The following SNCAIP variants were observed in gnomAD, a reference collection of about 807,000 sequenced individuals.
The protein encoded by SNCAIP is synuclein alpha interacting protein.
SNCAIP carries 43 observed loss-of-function variants against 86.7 expected under a neutral mutation model. The observed-to-expected ratio is 0.50, with a 90% CI of 0.39 to 0.64. SNCAIP has a LOEUF of 0.64. Among genes scored for constraint, SNCAIP ranks in the 30% least tolerant of loss-of-function variants. The probability of loss-of-function intolerance (pLI) is 0.00; values close to 1 mark genes in which losing one functional copy is unlikely to be tolerated. For missense variants in SNCAIP, 981 were observed against 1,103.1 expected (o/e 0.89, Z 1.57); for synonymous variants, 417 against 427.2 (o/e 0.98, Z 0.29).
chr5:122,459,857 C>G (rs1013627197), intron 10 of SNCAIP, among the ~76,000 whole-genome samples: 9 of 152,094 alleles, frequency 5.9e-5, no homozygotes, highest in African/African-American at 1.7e-4. Flanking sequence ...CAAACCCACC[C>G]CCTTCCCTAG....
rs73279400 is a variant in SNCAIP, at chr5:122,322,426, C to T, written c.-47+10142C>T. On this transcript the variant is annotated intron_variant, in intron 1 of 10. Transcript: ENST00000261368. Reference sequence around the variant, plus strand: ...TGTTTGATCTGTTAAGTCATATAAACATTTTTAAAAGGGATTTTTATCTCA... The same window carrying T: ...TGTTTGATCTGTTAAGTCATATAAATATTTTTAAAAGGGATTTTTATCTCA... Among the ~76,000 whole-genome samples the T allele has an allele frequency of 9.8e-3, 1,496 of 152,276 alleles. 21 individuals are homozygous for T. The highest frequency in any genetic ancestry group is 0.033 in the African/African-American group (1,391 of 41,558).
intron 6 of SNCAIP, among the ~76,000 whole-genome samples, chr5:122,438,055 A>G (rs1471399584): frequency 6.6e-6 from 1 of 152,238 alleles, no homozygotes; most frequent in Non-Finnish European, 1.5e-5. Flanking sequence ...TCCAACAAGA[A>G]GATACATGTA....
chr5:122,387,323 T>TACTAAA (rs1768372242), intron 1 of SNCAIP, among the ~76,000 whole-genome samples: 1 of 152,072 alleles, frequency 6.6e-6, no homozygotes, highest in Non-Finnish European at 1.5e-5. Flanking sequence ...CACGCCCGGC[T>TACTAAA]AATGTTTTGC....
At chr5:122,365,488 G>A (rs1247773120) in intron 1 of SNCAIP, among the ~76,000 whole-genome samples, 2 of 152,148 alleles carry the variant, frequency 1.3e-5, no homozygotes, top group Non-Finnish European at 2.9e-5. Flanking sequence ...AGACTAACCT[G>A]GCCAACATGG....
intron 1 of SNCAIP, among the ~76,000 whole-genome samples, chr5:122,361,671 C>T (rs1762252926): frequency 6.6e-6 from 1 of 152,086 alleles, no homozygotes; most frequent in South Asian, 2.1e-4. Context: ...GAGTTACTGT[C>T]ATCCTCTGAT....
intron 1 of SNCAIP, among the ~76,000 whole-genome samples, chr5:122,353,929 AG>A (rs1258395793): frequency 1.3e-5 from 2 of 152,216 alleles, no homozygotes; most frequent in Non-Finnish European, 2.9e-5. Flanking sequence ...TCACCACGTT[AG>A]GGCTGAAGAA....
intron 10 of SNCAIP, among the ~76,000 whole-genome samples, chr5:122,457,506 T>C (rs1452046026): frequency 6.6e-6 from 1 of 152,114 alleles, no homozygotes; most frequent in Non-Finnish European, 1.5e-5. Flanking sequence ...TACTCTGTGC[T>C]CTCCCACAGT....
chr5:122,416,536 T>G (rs1002570597), intron 3 of SNCAIP, among the ~76,000 whole-genome samples: 2 of 152,078 alleles, frequency 1.3e-5, no homozygotes, highest in Admixed American at 1.3e-4. Context: ...CCATCACAAT[T>G]CTCCAAATCC....
intron 5 of SNCAIP, among the ~76,000 whole-genome samples, chr5:122,426,639 C>T (rs1777424206): frequency 6.6e-6 from 1 of 152,046 alleles, no homozygotes; most frequent in African/African-American, 2.4e-5. Flanking sequence ...ATCTATGACC[C>T]TGGTAGGTAT....
intron 1 of SNCAIP, among the ~76,000 whole-genome samples, chr5:122,355,809 A>G (rs1760882927): frequency 6.6e-6 from 1 of 152,158 alleles, no homozygotes; most frequent in South Asian, 2.1e-4. Context: ...TGCAGTGACA[A>G]CACTGTATCT....
chr5:122,438,932 T>C lies in SNCAIP; in HGVS notation c.1297-1697T>C, dbSNP rs568407517. Reference sequence around the variant, plus strand: ...ATCTGTTTCACTGGTAGAGGTACCATAATCTATCCTCTTGCAGCCTCCATG... The same window carrying C: ...ATCTGTTTCACTGGTAGAGGTACCACAATCTATCCTCTTGCAGCCTCCATG... On this transcript the variant is annotated intron_variant, in intron 6 of 10. Coordinates refer to ENST00000261368, the MANE Select transcript of SNCAIP (RefSeq NM_005460.4). Among the ~76,000 whole-genome samples the C allele has an allele frequency of 8.5e-5, 13 of 152,340 alleles. No individual in the cohort carries two copies. In the South Asian group the frequency reaches 2.7e-3, roughly 32 times the overall value.
At chr5:122,335,831 G>T (rs973851417) in intron 1 of SNCAIP, among the ~76,000 whole-genome samples, 1 of 152,198 alleles carries the variant, frequency 6.6e-6, no homozygotes, top group Non-Finnish European at 1.5e-5. Flanking sequence ...GCCCCAGGAA[G>T]GTGGCTCTTT....
At chr5:122,420,925 G>A (rs186905495) in intron 3 of SNCAIP, among the ~76,000 whole-genome samples, 3 of 152,306 alleles carry the variant, frequency 2.0e-5, no homozygotes, top group Admixed American at 6.5e-5. Flanking sequence ...TTTATAACAG[G>A]ATTTTGTCCC....
At chr5:122,397,084 G>C (rs1031207745) in intron 2 of SNCAIP, among the ~76,000 whole-genome samples, 1 of 152,006 alleles carries the variant, frequency 6.6e-6, no homozygotes, top group Non-Finnish European at 1.5e-5. Context: ...CCTTAATGAA[G>C]GTACAGTCAG....
At chr5:122,427,160 G>T (rs1338442300) in intron 5 of SNCAIP, among the ~76,000 whole-genome samples, 2 of 152,270 alleles carry the variant, frequency 1.3e-5, no homozygotes, top group East Asian at 3.9e-4. Context: ...ATAGGTAGAA[G>T]AAAATAATTT....
intron 1 of SNCAIP, among the ~76,000 whole-genome samples, chr5:122,318,135 A>G (rs532262560): frequency 6.6e-6 from 1 of 152,026 alleles, no homozygotes; most frequent in African/African-American, 2.4e-5. Flanking sequence ...GGTGCAGGGG[A>G]TGGGTAGGTG....
intron 6 of SNCAIP, among the ~76,000 whole-genome samples, chr5:122,433,135 G>GTGTGTGTT (rs1186879103): frequency 6.6e-6 from 1 of 151,750 alleles, no homozygotes; most frequent in African/African-American, 2.4e-5. Context: ...GTGTGTGTGT[G>GTGTGTGTT]TGTGTGTGTG....
In SNCAIP at chr5:122,451,147, G is replaced by C. The variant is rs2153001523; in HGVS notation, c.2300G>C (p.Gly767Ala). 1.2e-6 allele frequency: 2 copies of C among 1,614,114 alleles called. No homozygotes were observed. Among genetic ancestry groups the C allele is most frequent in the East Asian group, 4.5e-5 (2 of 44,872 alleles). The change falls in exon 10 of 11, where the codon GGG (glycine) becomes GCG (alanine). Residue 767 changes from glycine (G) to alanine (A), a missense_variant. Coordinates refer to ENST00000261368, the MANE Select transcript of SNCAIP (RefSeq NM_005460.4). The part of the protein sequence containing the change: ...PDLESQYPGS[G>A]SIPPNQPSGD... Reference sequence around the variant, plus strand: ...TTAGAATCCCAGTATCCAGGCTCAGGGAGTATTCCTCCAAACCAGCCCTCT... The same window carrying C: ...TTAGAATCCCAGTATCCAGGCTCAGCGAGTATTCCTCCAAACCAGCCCTCT...
intron 10 of SNCAIP, chr5:122,454,374 A>T (rs1440214855): frequency 6.6e-6 from 1 of 152,656 alleles, no homozygotes; most frequent in African/African-American, 2.4e-5. Context: ...TAAAGGAAGA[A>T]CCTTGGAGCT....
Sources: gnomAD v4.1 joint callset for allele counts (sites outside exome capture counted in the v4.1 genomes callset) on GRCh38, gnomAD v4.1.1 for gene constraint, MANE v1.5 for transcripts, NCBI Gene and HGNC (gene_info 2026-07-23, HGNC 2026-07-21) for gene names.